The following MAML3 variants were observed in gnomAD, a reference collection of about 807,000 sequenced individuals.
MAML3 encodes mastermind-like protein 3.
MAML3 carries 27 observed loss-of-function variants against 101.9 expected under a neutral mutation model. The ratio of observed to expected loss-of-function variants is 0.27; its 90% confidence interval spans 0.20 to 0.37. MAML3 has a LOEUF of 0.37. Among genes scored for constraint, MAML3 ranks in the 10% least tolerant of loss-of-function variants. MAML3 has a pLI of 1.00. For synonymous variants in MAML3, 501 were observed against 555.9 expected (o/e 0.90, Z 1.39); for missense variants, 1,316 against 1,444.9 (o/e 0.91, Z 1.45).
At chr4:139,723,383 T>C (rs986850576) in intron 4 of MAML3, among the ~76,000 whole-genome samples, 4 of 152,230 alleles carry the variant, frequency 2.6e-5, no homozygotes, top group Non-Finnish European at 5.9e-5. Flanking sequence ...CGATCTTGGC[T>C]CACCACAACC....
At chr4:139,818,068 A>G (rs1256159353) in intron 2 of MAML3, among the ~76,000 whole-genome samples, 1 of 152,236 alleles carries the variant, frequency 6.6e-6, no homozygotes, top group Non-Finnish European at 1.5e-5. Context: ...AATTTCTGAT[A>G]CTGTAGGCCT....
chr4:139,973,427 C>CTG (rs1734265019), intron 1 of MAML3, among the ~76,000 whole-genome samples: 2 of 152,196 alleles, frequency 1.3e-5, no homozygotes, highest in Non-Finnish European at 2.9e-5. Flanking sequence ...AAGATTAAAA[C>CTG]ACTGGAAAGT....
intron 1 of MAML3, among the ~76,000 whole-genome samples, chr4:139,996,916 G>A (rs1032566230): frequency 1.3e-5 from 2 of 151,956 alleles, no homozygotes; most frequent in African/African-American, 2.4e-5. Context: ...AAATTAGCCA[G>A]TGTGGTGGTA....
chr4:139,926,347 C>T (rs1176778608), intron 1 of MAML3, among the ~76,000 whole-genome samples: 2 of 152,204 alleles, frequency 1.3e-5, no homozygotes, highest in African/African-American at 2.4e-5. Flanking sequence ...GCCTGTAATC[C>T]TAACACTTTG....
intron 1 of MAML3, among the ~76,000 whole-genome samples, chr4:139,972,503 A>C (rs915110801): frequency 6.6e-6 from 1 of 152,182 alleles, no homozygotes; most frequent in African/African-American, 2.4e-5. Context: ...CAACCACCTT[A>C]GCCACTAGAC....
intron 2 of MAML3, among the ~76,000 whole-genome samples, chr4:139,856,975 A>G (rs1731673143): frequency 6.6e-6 from 1 of 152,238 alleles, no homozygotes; most frequent in African/African-American, 2.4e-5. Context: ...AGGAAATCCA[A>G]GAAAGAAAAA....
intron 2 of MAML3, among the ~76,000 whole-genome samples, chr4:139,751,647 C>G (rs946874553): frequency 6.6e-6 from 1 of 152,110 alleles, no homozygotes; most frequent in Non-Finnish European, 1.5e-5. Context: ...GCCCCTAACC[C>G]TAAATAGTGC....
In MAML3 at chr4:140,025,624, T is replaced by C. The variant is rs147572148; in HGVS notation, c.468+127236A>G. Among the ~76,000 whole-genome samples the C allele has an allele frequency of 6.1e-3, 932 of 152,202 alleles. 8 individuals are homozygous for C. Among genetic ancestry groups the C allele is most frequent in the Non-Finnish European group, 9.8e-3 (668 of 67,992 alleles). On this transcript the variant is annotated intron_variant, in intron 1 of 4. Transcript: ENST00000509479. ...AGAATAAGAAATAAAGGGAAGAGCA[T>C]AGGGCAACCTGGACCAGAGACAGAC...
chr4:139,966,485 C>T (rs954656739), intron 1 of MAML3, among the ~76,000 whole-genome samples: 1 of 152,116 alleles, frequency 6.6e-6, no homozygotes, highest in South Asian at 2.1e-4. Context: ...CTGCCTTTGC[C>T]TTTCCTAAGA....
intron 1 of MAML3, among the ~76,000 whole-genome samples, chr4:139,895,445 T>C (rs1237035899): frequency 1.3e-5 from 2 of 152,202 alleles, no homozygotes; most frequent in Non-Finnish European, 2.9e-5. Flanking sequence ...TTTCCTTACC[T>C]GCAAAGTGGG....
chr4:139,765,707 G>C (rs939358499), intron 2 of MAML3, among the ~76,000 whole-genome samples: 1 of 152,190 alleles, frequency 6.6e-6, no homozygotes, highest in Non-Finnish European at 1.5e-5. Context: ...TGAAGTATTG[G>C]CCAGGTGTGG....
intron 1 of MAML3, among the ~76,000 whole-genome samples, chr4:140,069,543 AAGGAGGAGGAGGAGGGG>A (rs1235404450): frequency 0.013 from 1,209 of 91,832 alleles, 27 homozygotes; most frequent in African/African-American, 0.031. Context: ...AAGGAAGAAG[AAGGAGGAGGAGGAGGGG>A]AGGAGGAGGA....
chr4:139,813,229 A>T (rs1730835213), intron 2 of MAML3, among the ~76,000 whole-genome samples: 1 of 151,944 alleles, frequency 6.6e-6, no homozygotes, highest in Admixed American at 6.6e-5. Context: ...GGAGTTACAG[A>T]AACGAGAAGA....
intron 1 of MAML3, among the ~76,000 whole-genome samples, chr4:139,964,367 C>T (rs6841661): frequency 2.0e-5 from 3 of 151,882 alleles, no homozygotes; most frequent in Non-Finnish European, 4.4e-5. Flanking sequence ...ATGGTTCTCA[C>T]TCATAAGTGG....
At chr4:139,982,564 A>G (rs900958855) in intron 1 of MAML3, among the ~76,000 whole-genome samples, 3 of 152,142 alleles carry the variant, frequency 2.0e-5, no homozygotes, top group African/African-American at 7.2e-5. Flanking sequence ...CTAACCTACC[A>G]CATAGGTTAG....
chr4:139,812,556 C>T (rs769082129), intron 2 of MAML3, among the ~76,000 whole-genome samples: 1 of 152,196 alleles, frequency 6.6e-6, no homozygotes, highest in Non-Finnish European at 1.5e-5. Flanking sequence ...AAGTGGAAAT[C>T]TACAATTCAG....
intron 1 of MAML3, among the ~76,000 whole-genome samples, chr4:140,104,376 AAT>A (rs1227478210): frequency 1.2e-4 from 8 of 69,372 alleles, no homozygotes; most frequent in African/African-American, 3.5e-4. Context: ...ATATATATAT[AAT>A]ATATATATAT....
At chr4:140,133,054 G>A in intron 1 of MAML3, 2 of 430,926 alleles carry the variant, frequency 4.6e-6, no homozygotes, top group South Asian at 1.7e-5. Flanking sequence ...TTAAAAGGAG[G>A]GGAGAACAGA....
chr4:140,091,090 C>CA (rs1728038021), intron 1 of MAML3, among the ~76,000 whole-genome samples: 1 of 151,944 alleles, frequency 6.6e-6, no homozygotes, highest in African/African-American at 2.4e-5. Context: ...AACAAAAAGA[C>CA]AGAGAAAGAA....
Sources: allele counts gnomAD v4.1 joint callset (sites outside exome capture counted in the v4.1 genomes callset), GRCh38; gene constraint gnomAD v4.1.1; transcripts MANE v1.5; gene names NCBI Gene and HGNC (gene_info 2026-07-23, HGNC 2026-07-21).